The following SHISA9 variants were observed in gnomAD, a reference collection of about 807,000 sequenced individuals.
The protein encoded by SHISA9 is protein shisa-9.
A neutral mutation model predicts 38.0 loss-of-function variants in SHISA9; 13 were observed. The ratio of observed to expected loss-of-function variants is 0.34; its 90% CI spans 0.22 to 0.54. The LOEUF (loss-of-function observed/expected upper bound fraction) is 0.54. Among genes scored for constraint, SHISA9 ranks in the 20% least tolerant of loss-of-function variants. The probability of loss-of-function intolerance (pLI) is 0.91; values close to 1 mark genes in which losing one functional copy is unlikely to be tolerated. For synonymous variants in SHISA9, 275 were observed against 242.0 expected (o/e 1.14, Z -1.27); for missense variants, 538 against 575.8 (o/e 0.93, Z 0.67).
chr16:13,498,175 T>C, the SHISA9 span, among the ~76,000 whole-genome samples: 1 of 152,156 alleles, frequency 6.6e-6, no homozygotes, highest in Non-Finnish European at 1.5e-5. Flanking sequence ...AAAGACAATG[T>C]AGAAGAAAAG....
At chr16:12,969,347 ATT>A (rs112758862) in intron 2 of SHISA9, among the ~76,000 whole-genome samples, 4 of 137,168 alleles carry the variant, frequency 2.9e-5, no homozygotes, top group Non-Finnish European at 4.7e-5. Context: ...TTGGGAGATG[ATT>A]TTTTTTTTTT....
chr16:13,098,998 T>G lies in SHISA9; in HGVS notation c.692-104396T>G, dbSNP rs542777735. On this transcript the variant is annotated intron_variant, in intron 2 of 4. Transcript: ENST00000558583. ...GGGCTGACATTAAAAGCTGCTGAAT[T>G]TATTCAACAAATATTTATTGAATAC... Among the ~76,000 whole-genome samples, 4 of 152,394 alleles carry G rather than the reference T, an allele frequency of 2.6e-5. No homozygotes were observed. In the East Asian group the frequency reaches 7.7e-4, roughly 29 times the overall value.
chr16:13,273,048 G>A, the SHISA9 span, among the ~76,000 whole-genome samples: 2 of 152,068 alleles, frequency 1.3e-5, no homozygotes, highest in Non-Finnish European at 2.9e-5. Flanking sequence ...ATGTATCCAA[G>A]CCTCCAGTTG....
At chr16:13,273,439 T>A in the SHISA9 span, among the ~76,000 whole-genome samples, 5 of 152,054 alleles carry the variant, frequency 3.3e-5, no homozygotes, top group African/African-American at 1.2e-4. Context: ...AGCGAATAAG[T>A]CTCATGAGAT....
At chr16:13,250,820 G>A in the SHISA9 span, among the ~76,000 whole-genome samples, 1 of 152,126 alleles carries the variant, frequency 6.6e-6, no homozygotes, top group African/African-American at 2.4e-5. Flanking sequence ...GCTGCAGATG[G>A]TGAGGCAAAC....
chr16:13,478,136 A>G, the SHISA9 span, among the ~76,000 whole-genome samples: 3 of 152,142 alleles, frequency 2.0e-5, no homozygotes, highest in Admixed American at 1.3e-4. Context: ...TTAACTGAAA[A>G]AGGAACCTGC....
intron 2 of SHISA9, among the ~76,000 whole-genome samples, chr16:13,195,304 A>G (rs764856382): frequency 6.6e-6 from 1 of 152,342 alleles, no homozygotes; most frequent in East Asian, 1.9e-4. Context: ...AAAGGAGACA[A>G]TTGAAATAGT....
the SHISA9 span, among the ~76,000 whole-genome samples, chr16:13,461,182 C>G: frequency 1.3e-5 from 2 of 152,216 alleles, no homozygotes; most frequent in Non-Finnish European, 2.9e-5. Context: ...GCACACTTGC[C>G]TCTCTTGGGC....
At chr16:13,495,694 T>C in the SHISA9 span, among the ~76,000 whole-genome samples, 655 of 151,862 alleles carry the variant, frequency 4.3e-3, 4 homozygotes, top group African/African-American at 0.015. Context: ...AAAAAGTATA[T>C]AATAATATTA....
chr16:12,999,498 C>G (rs1412219014), intron 2 of SHISA9, among the ~76,000 whole-genome samples: 8 of 152,156 alleles, frequency 5.3e-5, no homozygotes, highest in Admixed American at 4.6e-4. Flanking sequence ...AATACAGACT[C>G]TAGATAATGA....
chr16:13,237,578 G>T lies in SHISA9; in HGVS notation c.*2169G>T, dbSNP rs1041278624. 2.7e-5 allele frequency: 4 copies of T among 147,790 alleles called. No homozygotes were observed. The highest frequency in any genetic ancestry group is 1.0e-4 in the African/African-American group (4 of 40,062). 9.2% of individuals were successfully genotyped at this position (147,790 alleles called of 1,614,324 possible). ...CTCGAGAGGCTGAGGCAGGAGAATC[G>T]CTTAAACTTGGGAGGTTGCAGTGAG... is the stretch of plus-strand genomic sequence containing the variant. On this transcript the variant is annotated 3_prime_UTR_variant, in exon 5 of 5. Transcript: ENST00000558583.
At chr16:12,938,936 T>C (rs1172989961) in intron 2 of SHISA9, among the ~76,000 whole-genome samples, 8 of 152,202 alleles carry the variant, frequency 5.3e-5, no homozygotes, top group African/African-American at 1.9e-4. Flanking sequence ...CTCCCTCCCA[T>C]GTTGAGTATG....
At chr16:13,210,460 T>G (rs745403106) in intron 3 of SHISA9, among the ~76,000 whole-genome samples, 2 of 152,206 alleles carry the variant, frequency 1.3e-5, no homozygotes, top group Non-Finnish European at 2.9e-5. Flanking sequence ...AAAAAAAAAT[T>G]GTCTGTGTTG....
chr16:13,368,030 A>T, the SHISA9 span, among the ~76,000 whole-genome samples: 4 of 152,268 alleles, frequency 2.6e-5, no homozygotes, highest in East Asian at 7.7e-4. Context: ...AGCATTAGGT[A>T]TATCTCCCTC....
At chr16:13,477,936 G>C in the SHISA9 span, among the ~76,000 whole-genome samples, 9 of 152,196 alleles carry the variant, frequency 5.9e-5, no homozygotes, top group African/African-American at 2.2e-4. Context: ...TTGCACTGCA[G>C]CCTGGGAAAC....
downstream of SHISA9, among the ~76,000 whole-genome samples, chr16:13,243,351 T>C (rs923627691): frequency 1.3e-5 from 2 of 152,108 alleles, no homozygotes; most frequent in African/African-American, 4.8e-5. Context: ...GGGTGTACCT[T>C]GGTTTTATAC....
At chr16:13,008,857 G>C (rs1224102441) in intron 2 of SHISA9, among the ~76,000 whole-genome samples, 4 of 151,992 alleles carry the variant, frequency 2.6e-5, no homozygotes, top group African/African-American at 9.7e-5. Context: ...TGTGAGAACA[G>C]ACTAATACAG....
intron 2 of SHISA9, among the ~76,000 whole-genome samples, chr16:13,081,358 T>C (rs1366743445): frequency 1.3e-5 from 2 of 152,176 alleles, no homozygotes; most frequent in Admixed American, 6.5e-5. Context: ...GACAACTTTA[T>C]AGCACTCTTT....
At chr16:13,450,262 C>T in the SHISA9 span, among the ~76,000 whole-genome samples, 2 of 152,172 alleles carry the variant, frequency 1.3e-5, no homozygotes, top group Admixed American at 1.3e-4. Flanking sequence ...AGAACACCTA[C>T]CTCGTAGGGT....
Sources: gnomAD v4.1 joint callset for allele counts (sites outside exome capture counted in the v4.1 genomes callset) on GRCh38, gnomAD v4.1.1 for gene constraint, MANE v1.5 for transcripts, NCBI Gene and HGNC (gene_info 2026-07-23, HGNC 2026-07-21) for gene names.